The following ASTN2 variants were observed in gnomAD, a reference collection of about 807,000 sequenced individuals.
ASTN2 encodes the protein astrotactin-2.
Under a neutral mutation model 139.8 loss-of-function variants are expected in ASTN2, and 54 were observed. The observed-to-expected ratio is 0.39, with a 90% CI of 0.31 to 0.48. The LOEUF is 0.48. ASTN2 is among the 20% of genes least tolerant of loss of function. The pLI, the probability that ASTN2 is intolerant of heterozygous loss-of-function variation, is 0.95. For synonymous variants in ASTN2, 756 were observed against 719.5 expected (o/e 1.05, Z -0.81); for missense variants, 1,565 against 1,725.1 (o/e 0.91, Z 1.64).
chr9:117,409,665 TC>T (rs1831106827), intron 1 of ASTN2, among the ~76,000 whole-genome samples: 1 of 152,100 alleles, frequency 6.6e-6, no homozygotes, highest in Non-Finnish European at 1.5e-5. Flanking sequence ...GGACAGGGTC[TC>T]CCCCTGCCAC....
At chr9:117,144,843 A>G (rs1242506020) in intron 3 of ASTN2, among the ~76,000 whole-genome samples, 1 of 151,556 alleles carries the variant, frequency 6.6e-6, no homozygotes, top group African/African-American at 2.4e-5. Context: ...CACCATGCCT[A>G]TACTATATAT....
At chr9:117,295,893 AGAG>A (rs1587921757) in intron 1 of ASTN2, among the ~76,000 whole-genome samples, 2 of 152,064 alleles carry the variant, frequency 1.3e-5, no homozygotes, top group Non-Finnish European at 2.9e-5. Context: ...TGTCCCTCAG[AGAG>A]GAGGAGGAGA....
chr9:116,622,372 T>C (rs563935134), intron 17 of ASTN2, among the ~76,000 whole-genome samples: 1 of 152,192 alleles, frequency 6.6e-6, no homozygotes, highest in Non-Finnish European at 1.5e-5. Context: ...TTCACCTGAG[T>C]TAAGTGTCAT....
At chr9:116,800,178 C>T (rs996089288) in intron 13 of ASTN2, among the ~76,000 whole-genome samples, 3 of 152,118 alleles carry the variant, frequency 2.0e-5, no homozygotes, top group African/African-American at 4.8e-5. Flanking sequence ...CCCCCTTCCC[C>T]GCCTTCTGCT....
At chr9:117,082,651 A>G (rs1386005676) in intron 5 of ASTN2, among the ~76,000 whole-genome samples, 3 of 152,112 alleles carry the variant, frequency 2.0e-5, no homozygotes, top group African/African-American at 7.2e-5. Context: ...AAAACACAAA[A>G]AATTAGCTGG....
intron 19 of ASTN2, among the ~76,000 whole-genome samples, chr9:116,516,561 G>C (rs953418255): frequency 3.3e-5 from 5 of 152,194 alleles, no homozygotes; most frequent in African/African-American, 1.2e-4. Context: ...CTCATATTGT[G>C]AACTTTTGCT....
intron 10 of ASTN2, among the ~76,000 whole-genome samples, chr9:116,867,192 C>T (rs910139832): frequency 1.3e-5 from 2 of 151,778 alleles, no homozygotes; most frequent in Admixed American, 6.6e-5. Flanking sequence ...AAGAGAGAAA[C>T]AGAGGCATAA....
intron 19 of ASTN2, chr9:116,584,793 A>G (rs1045661109): frequency 6.6e-6 from 1 of 152,242 alleles, no homozygotes; most frequent in Non-Finnish European, 1.5e-5. Flanking sequence ...CATATAGAAC[A>G]CTTTAGGAAG....
At chr9:117,271,964 T>C (rs534032705) in intron 2 of ASTN2, among the ~76,000 whole-genome samples, 3 of 152,280 alleles carry the variant, frequency 2.0e-5, no homozygotes, top group Non-Finnish European at 4.4e-5. Flanking sequence ...GTCTGAAGGA[T>C]GGTGGCCCTC....
intron 20 of ASTN2, among the ~76,000 whole-genome samples, chr9:116,459,208 C>A (rs1848414504): frequency 6.6e-6 from 1 of 151,902 alleles, no homozygotes; most frequent in Non-Finnish European, 1.5e-5. Context: ...CTTGGGTAGC[C>A]TCGTCAAGTG....
chr9:116,463,832 G>C (rs1848566793), intron 20 of ASTN2, among the ~76,000 whole-genome samples: 1 of 151,902 alleles, frequency 6.6e-6, no homozygotes, highest in South Asian at 2.1e-4. Flanking sequence ...CAGGGCCTCA[G>C]GGTCTTGCAA....
chr9:116,477,261 C>A (rs1274500094), intron 20 of ASTN2, among the ~76,000 whole-genome samples: 1 of 152,154 alleles, frequency 6.6e-6, no homozygotes, highest in African/African-American at 2.4e-5. Context: ...GCTGTATTTG[C>A]TTCTGGCTTG....
At chr9:117,143,372 A>T (rs1425312127) in intron 3 of ASTN2, among the ~76,000 whole-genome samples, 2 of 152,198 alleles carry the variant, frequency 1.3e-5, no homozygotes, top group African/African-American at 4.8e-5. Flanking sequence ...ATGTCATGCC[A>T]AGTTTTGATT....
chr9:116,480,253 AAGAT>A (rs1276048427), intron 20 of ASTN2, among the ~76,000 whole-genome samples: 5 of 152,038 alleles, frequency 3.3e-5, no homozygotes, highest in Non-Finnish European at 5.9e-5. Context: ...CAGACAGAGA[AAGAT>A]AGAAATAGAA....
chr9:117,015,268 C>T (rs1837642203), intron 6 of ASTN2, among the ~76,000 whole-genome samples: 1 of 152,138 alleles, frequency 6.6e-6, no homozygotes, highest in African/African-American at 2.4e-5. Flanking sequence ...ATCCACCTGC[C>T]TTGGCCTCTC....
At chr9:116,429,172 C>T (rs10817889) in intron 22 of ASTN2, among the ~76,000 whole-genome samples, 1 of 151,834 alleles carries the variant, frequency 6.6e-6, no homozygotes, top group Non-Finnish European at 1.5e-5. Context: ...AACGCTGTGT[C>T]TACTAAAAAT....
chr9:117,319,152 T>C (rs1828240236), intron 1 of ASTN2, among the ~76,000 whole-genome samples: 1 of 152,182 alleles, frequency 6.6e-6, no homozygotes, highest in Admixed American at 6.5e-5. Context: ...CTTTTTTTTA[T>C]TAAATATGTA....
chr9:116,591,361 C>T (rs115705138), intron 19 of ASTN2, among the ~76,000 whole-genome samples: 207 of 152,320 alleles, frequency 1.4e-3, no homozygotes, highest in African/African-American at 4.8e-3. Flanking sequence ...AGCCAGAGTG[C>T]CTGACTATGT....
chr9:116,515,294 C>T (rs1171334533), intron 19 of ASTN2, among the ~76,000 whole-genome samples: 1 of 152,098 alleles, frequency 6.6e-6, no homozygotes, highest in South Asian at 2.1e-4. Flanking sequence ...AAGCATAAGC[C>T]AATCATTGTT....
Sources: gnomAD v4.1 joint callset for allele counts (sites outside exome capture counted in the v4.1 genomes callset) on GRCh38, gnomAD v4.1.1 for gene constraint, MANE v1.5 for transcripts, NCBI Gene and HGNC (gene_info 2026-07-23, HGNC 2026-07-21) for gene names.